The following ANKS1B variants were observed in gnomAD, a reference collection of about 807,000 sequenced individuals.
ANKS1B encodes ankyrin repeat and sterile alpha motif domain-containing protein 1B.
A neutral mutation model predicts 148.3 loss-of-function variants in ANKS1B; 36 were observed. That is an observed-to-expected ratio of 0.24 (90% CI 0.19 to 0.32). ANKS1B has a LOEUF of 0.32. ANKS1B is among the 10% of genes least tolerant of loss of function. The pLI, the probability that ANKS1B is intolerant of heterozygous loss-of-function variation, is 1.00. For missense variants in ANKS1B, 1,157 were observed against 1,542.6 expected, an observed-to-expected ratio of 0.75 and a Z score of 4.19; for synonymous variants, 542 against 560.8, an observed-to-expected ratio of 0.97 and a Z score of 0.47.
intron 9 of ANKS1B, among the ~76,000 whole-genome samples, chr12:99,516,689 A>G (rs558216178): frequency 6.6e-6 from 1 of 152,248 alleles, no homozygotes; most frequent in African/African-American, 2.4e-5. Flanking sequence ...ACCATGGCAC[A>G]TATTTACCTA....
intron 15 of ANKS1B, among the ~76,000 whole-genome samples, chr12:99,092,949 C>T (rs924403210): frequency 1.3e-5 from 2 of 152,108 alleles, no homozygotes; most frequent in Non-Finnish European, 2.9e-5. Context: ...ACTATGGAGT[C>T]AAGTTCACAA....
chr12:99,343,974 C>A (rs569851214), intron 12 of ANKS1B, among the ~76,000 whole-genome samples: 2 of 152,154 alleles, frequency 1.3e-5, no homozygotes, highest in East Asian at 3.9e-4. Context: ...CCCAGAATCA[C>A]CACATGGAAG....
intron 1 of ANKS1B, among the ~76,000 whole-genome samples, chr12:99,893,251 A>C (rs1222405674): frequency 6.6e-6 from 1 of 152,118 alleles, no homozygotes; most frequent in Non-Finnish European, 1.5e-5. Context: ...TCTACTAAAA[A>C]TACAAAAAAA....
intron 9 of ANKS1B, among the ~76,000 whole-genome samples, chr12:99,582,171 G>A (rs935470550): frequency 6.6e-6 from 1 of 151,668 alleles, no homozygotes; most frequent in Non-Finnish European, 1.5e-5. Flanking sequence ...TCTTTAGAAT[G>A]GCCAATAATA....
intron 4 of ANKS1B, among the ~76,000 whole-genome samples, chr12:99,801,596 C>A (rs1200024921): frequency 3.3e-5 from 5 of 152,008 alleles, no homozygotes; most frequent in Non-Finnish European, 5.9e-5. Flanking sequence ...TAAAAACAAG[C>A]TTTTCTAACT....
At chr12:99,522,661 T>G (rs1389063354) in intron 9 of ANKS1B, among the ~76,000 whole-genome samples, 1 of 152,196 alleles carries the variant, frequency 6.6e-6, no homozygotes, top group African/African-American at 2.4e-5. Context: ...CATGGAGCTA[T>G]GTGGATTAGC....
At chr12:99,015,631 C>A (rs569552893) in intron 17 of ANKS1B, among the ~76,000 whole-genome samples, 2 of 152,250 alleles carry the variant, frequency 1.3e-5, no homozygotes, top group East Asian at 3.9e-4. Flanking sequence ...CTTTGAGAGG[C>A]CGAGGTGGGC....
intron 12 of ANKS1B, among the ~76,000 whole-genome samples, chr12:99,301,882 G>A (rs531876121): frequency 6.6e-6 from 1 of 152,248 alleles, no homozygotes; most frequent in Non-Finnish European, 1.5e-5. Context: ...AATGAGGTTA[G>A]TCTTTGAAAA....
At chr12:99,130,129 G>T (rs535133062) in intron 15 of ANKS1B, among the ~76,000 whole-genome samples, 1 of 152,026 alleles carries the variant, frequency 6.6e-6, no homozygotes, top group Admixed American at 6.6e-5. Flanking sequence ...CATTTGCCAT[G>T]GTACAATGTG....
intron 15 of ANKS1B, among the ~76,000 whole-genome samples, chr12:99,108,563 T>C (rs1309875473): frequency 6.6e-6 from 1 of 152,138 alleles, no homozygotes; most frequent in African/African-American, 2.4e-5. Flanking sequence ...ATAGAGACAG[T>C]AAAACCAATT....
At chr12:99,752,271 T>C (rs2061175611) in intron 8 of ANKS1B, among the ~76,000 whole-genome samples, 1 of 152,070 alleles carries the variant, frequency 6.6e-6, no homozygotes, top group Non-Finnish European at 1.5e-5. Context: ...CTCTCAGATA[T>C]ACTGTTCTTC....
intron 12 of ANKS1B, among the ~76,000 whole-genome samples, chr12:99,303,407 T>C (rs2081941450): frequency 6.6e-6 from 1 of 152,134 alleles, no homozygotes; most frequent in Admixed American, 6.6e-5. Flanking sequence ...CAATCATTTA[T>C]GTATATCTAT....
intron 17 of ANKS1B, among the ~76,000 whole-genome samples, chr12:98,932,201 T>G (rs937649666): frequency 2.0e-5 from 3 of 152,160 alleles, no homozygotes; most frequent in African/African-American, 7.2e-5. Flanking sequence ...CCTGCTCTGG[T>G]AGGCAGCACT....
At chr12:99,333,501 T>A (rs1007888418) in intron 12 of ANKS1B, among the ~76,000 whole-genome samples, 1 of 151,902 alleles carries the variant, frequency 6.6e-6, no homozygotes, top group Non-Finnish European at 1.5e-5. Context: ...AATCACTGGG[T>A]GAGATACTCT....
chr12:99,874,509 C>T (rs2091880418), intron 1 of ANKS1B, among the ~76,000 whole-genome samples: 1 of 152,068 alleles, frequency 6.6e-6, no homozygotes. Context: ...TCTGTCATTT[C>T]AATACATTTA....
chr12:99,289,103 AAG>A (rs1382883920), intron 12 of ANKS1B, among the ~76,000 whole-genome samples: 2 of 152,118 alleles, frequency 1.3e-5, no homozygotes, highest in Non-Finnish European at 2.9e-5. Context: ...AAGCCAAAAA[AAG>A]GGCAGGAGTA....
chr12:99,134,829 T>C (rs895324221), intron 15 of ANKS1B, among the ~76,000 whole-genome samples: 5 of 152,204 alleles, frequency 3.3e-5, no homozygotes, highest in Admixed American at 2.6e-4. Context: ...CTGATCATTA[T>C]AGGGACATTC....
At chr12:99,337,937 C>G (rs927791023) in intron 12 of ANKS1B, among the ~76,000 whole-genome samples, 5 of 152,210 alleles carry the variant, frequency 3.3e-5, no homozygotes, top group East Asian at 1.9e-4. Context: ...CACAAACACT[C>G]CTGTGGCCAC....
At chr12:99,946,313 G>T (rs1445276253) in intron 1 of ANKS1B, among the ~76,000 whole-genome samples, 1 of 152,128 alleles carries the variant, frequency 6.6e-6, no homozygotes, top group African/African-American at 2.4e-5. Context: ...AAATACCATA[G>T]ACTGGGTGGA....
Sources: gnomAD v4.1 joint callset for allele counts (sites outside exome capture counted in the v4.1 genomes callset) on GRCh38, gnomAD v4.1.1 for gene constraint, MANE v1.5 for transcripts, NCBI Gene and HGNC (gene_info 2026-07-23, HGNC 2026-07-21) for gene names.